Variants in ETV7 observed in about 807,000 individuals in gnomAD.
ETV7 encodes ETS variant transcription factor 7.
Under a neutral mutation model 39.1 loss-of-function variants are expected in ETV7, and 43 were observed. That is an observed-to-expected ratio of 1.10 (90% CI 0.86 to 1.42). ETV7 has a LOEUF of 1.42. ETV7 is among the 40% of genes most tolerant of loss of function. ETV7 has a pLI of 0.00. For synonymous variants in ETV7, 196 were observed against 176.6 expected, an observed-to-expected ratio of 1.11 and a Z score of -0.87; for missense variants, 432 against 442.3, an observed-to-expected ratio of 0.98 and a Z score of 0.21.
rs772070280 is a variant in ETV7, at chr6:36,375,942, C to T, written c.236G>A (p.Gly79Glu). 44 of 1,613,744 alleles carry T rather than the reference C, an allele frequency of 2.7e-5. 1 individual carries two copies. The highest frequency in any genetic ancestry group is 7.7e-5 in the South Asian group (7 of 91,094). ...GAGGGCGCGTCCGTTCATCTCGAACCCGTGCTCCGCGGTGCATGGCAGAGA... is the reference window on the plus strand; with the variant it reads ...GAGGGCGCGTCCGTTCATCTCGAACTCGTGCTCCGCGGTGCATGGCAGAGA... ...EYSLPCTAEHGFEMNGRALCI... is the reference protein window; with the variant it reads ...EYSLPCTAEHEFEMNGRALCI... Residue 79 changes from glycine (G) to glutamate (E), a missense_variant, in exon 3 of 8, where the codon GGG becomes GAG. Physicochemically the swap from Gly to Glu is moderately conservative, Grantham distance 98. Transcript: ENST00000340181.
chr6:36,356,308 A>AG (rs1472365676), intron 7 of ETV7, among the ~76,000 whole-genome samples: 2 of 139,354 alleles, frequency 1.4e-5, no homozygotes, highest in African/African-American at 5.5e-5. Context: ...TGGGTAAAAG[A>AG]GTGAGACCCT....
intron 7 of ETV7, among the ~76,000 whole-genome samples, chr6:36,355,561 G>A (rs986413027): frequency 3.9e-5 from 6 of 152,132 alleles, no homozygotes; most frequent in Admixed American, 2.0e-4. Flanking sequence ...ACAGGCATGC[G>A]CCATTGCGCC....
At chr6:36,363,072 A>T (rs934147458), downstream of ETV7, among the ~76,000 whole-genome samples, 1 of 151,624 alleles carries the variant, frequency 6.6e-6, no homozygotes, top group African/African-American at 2.4e-5. Context: ...GAGGGCCTGG[A>T]TAAATTCATT....
In ETV7 at chr6:36,372,639, G is replaced by T. The variant is rs1402232791; in HGVS notation, c.433+814C>A. ...GACAGTTGGGATGAGTGGGGGTGGGGGTAGAAATCTAAGATGACATCTGAG... is the reference window on the plus strand; with the variant it reads ...GACAGTTGGGATGAGTGGGGGTGGGTGTAGAAATCTAAGATGACATCTGAG... On this transcript the variant is annotated intron_variant, in intron 4 of 7. Coordinates refer to ENST00000340181, the MANE Select transcript of ETV7 (RefSeq NM_016135.4). 3.4e-5 allele frequency among the ~76,000 whole-genome samples: 5 copies of T among 148,404 alleles called. No individual in the cohort carries two copies. In the East Asian group the frequency reaches 8.0e-4, roughly 24 times the overall value.
chr6:36,376,352 G>T (rs545007528), intron 2 of ETV7, among the ~76,000 whole-genome samples: 1 of 152,206 alleles, frequency 6.6e-6, no homozygotes, highest in Non-Finnish European at 1.5e-5. Context: ...CCTACTATGT[G>T]CCAGCACTGG....
At chr6:36,363,071 G>C (rs557182359), downstream of ETV7, among the ~76,000 whole-genome samples, 1 of 151,858 alleles carries the variant, frequency 6.6e-6, no homozygotes, top group South Asian at 2.1e-4. Context: ...TGAGGGCCTG[G>C]ATAAATTCAT....
At chr6:36,361,302 A>G (rs762317736), downstream of ETV7, among the ~76,000 whole-genome samples, 26 of 152,212 alleles carry the variant, frequency 1.7e-4, no homozygotes, top group Non-Finnish European at 2.8e-4. Context: ...CCGGCATTCA[A>G]CAGGCTCCCT....
At chr6:36,372,417 A>G (rs79837134) in intron 4 of ETV7, among the ~76,000 whole-genome samples, 1 of 152,198 alleles carries the variant, frequency 6.6e-6, no homozygotes, top group East Asian at 1.9e-4. Context: ...GAAGATGCTG[A>G]GCAGACAAGT....
chr6:36,373,601 G>GGGGGGGGGC, intron 3 of ETV7, 23 bp from the exon 4 acceptor site: 5 of 475,634 alleles, frequency 1.1e-5, no homozygotes, highest in African/African-American at 2.1e-5. Context: ...GGGAGGGAGG[G>GGGGGGGGGC]CAGGCTGCTG....
chr6:36,387,419 G>T (rs1230422046), intron 1 of ETV7, 117 bp downstream of exon 1: 37 of 1,403,626 alleles, frequency 2.6e-5, no homozygotes, highest in Middle Eastern at 1.7e-4. Flanking sequence ...TGGAAAGAGA[G>T]ATTCCCGCCA....
chr6:36,358,814 G>C lies in ETV7; in HGVS notation c.909-4127C>G, dbSNP rs148157000. ...ATATGATCATGTGACTGAGGGGAAA[G>C]CTCTTCCTGCTCAGAATTGCTGGAA... On this transcript the variant is annotated intron_variant, in intron 7 of 7. Coordinates refer to the ETV7 transcript ENST00000339796. Among the ~76,000 whole-genome samples the C allele has an allele frequency of 2.0e-3, 304 of 152,348 alleles. 2 individuals are homozygous for C. Among genetic ancestry groups the C allele is most frequent in the African/African-American group, 2.7e-3 (111 of 41,580 alleles).
chr6:36,354,356 A>T (rs1215822182), exon 8 of ETV7: 3 of 239,570 alleles, frequency 1.3e-5, no homozygotes, highest in Non-Finnish European at 1.6e-5. Context: ...ATTTACTCCT[A>T]TGTTTTATTC....
intron 2 of ETV7, among the ~76,000 whole-genome samples, chr6:36,377,847 G>C (rs531375955): frequency 6.6e-6 from 1 of 152,136 alleles, no homozygotes; most frequent in Non-Finnish European, 1.5e-5. Flanking sequence ...CACAGGGAAC[G>C]TTCACTGTGC....
At chr6:36,382,241 C>T (rs183309985) in intron 2 of ETV7, among the ~76,000 whole-genome samples, 12 of 152,252 alleles carry the variant, frequency 7.9e-5, no homozygotes, top group Admixed American at 5.2e-4. Flanking sequence ...AAAGTAGTCA[C>T]GAATCTCAGC....
intron 5 of ETV7, among the ~76,000 whole-genome samples, chr6:36,369,917 A>AAAT (rs201347938): frequency 4.0e-5 from 6 of 151,882 alleles, no homozygotes; most frequent in African/African-American, 1.5e-4. Context: ...AAAAAAAAAA[A>AAAT]AACCCAGTAA....
At chr6:36,355,716 A>G (rs1311493394) in intron 7 of ETV7, among the ~76,000 whole-genome samples, 1 of 152,204 alleles carries the variant, frequency 6.6e-6, no homozygotes, top group East Asian at 1.9e-4. Context: ...CCCAGCCCAT[A>G]AGCTCTTAAA....
chr6:36,382,744 G>A (rs983439666), intron 2 of ETV7, among the ~76,000 whole-genome samples: 3 of 152,084 alleles, frequency 2.0e-5, no homozygotes, highest in Non-Finnish European at 4.4e-5. Flanking sequence ...TATAGGACAC[G>A]GCACTCTACG....
downstream of ETV7, among the ~76,000 whole-genome samples, chr6:36,365,889 C>A: frequency 6.6e-6 from 1 of 152,270 alleles, no homozygotes; most frequent in African/African-American, 2.4e-5. Flanking sequence ...TAAGAAACAT[C>A]GGCTGGACGC....
chr6:36,367,556 A>T (rs1410556961), intron 6 of ETV7, among the ~76,000 whole-genome samples: 1 of 152,222 alleles, frequency 6.6e-6, no homozygotes, highest in Non-Finnish European at 1.5e-5. Flanking sequence ...AGTGAACTGC[A>T]TGTTACTTTT....
Sources: gnomAD v4.1 joint callset for allele counts (sites outside exome capture counted in the v4.1 genomes callset) on GRCh38, gnomAD v4.1.1 for gene constraint, MANE v1.5 for transcripts, NCBI Gene and HGNC (gene_info 2026-07-23, HGNC 2026-07-21) for gene names.